Variants in MPPED1 observed in about 807,000 individuals in gnomAD.
MPPED1 encodes metallophosphoesterase domain-containing protein 1.
A neutral mutation model predicts 36.2 loss-of-function variants in MPPED1; 16 were observed. That is an observed-to-expected ratio of 0.44 (90% CI 0.30 to 0.67). MPPED1 has a LOEUF of 0.67. MPPED1 is among the 30% of genes least tolerant of loss of function. The probability of loss-of-function intolerance (pLI) is 0.10; values close to 1 mark genes in which losing one functional copy is unlikely to be tolerated. For synonymous variants in MPPED1, 199 were observed against 191.3 expected (o/e 1.04, Z -0.33); for missense variants, 307 against 453.4 (o/e 0.68, Z 2.93).
intron 3 of MPPED1, among the ~76,000 whole-genome samples, chr22:43,456,093 G>C (rs1569075843): frequency 6.6e-6 from 1 of 152,192 alleles, no homozygotes; most frequent in Non-Finnish European, 1.5e-5. Context: ...TGTGAATAGA[G>C]ACAGTTTTAT....
rs549750293 is a variant in MPPED1, at chr22:43,453,495, C to T, written c.406+18280C>T. The stretch of plus-strand genomic sequence containing the variant: ...CCTGGTGAGTTGGAACCAGGTATAG[C>T]CTTCCAGTCCTGCGGCTTCGTTGTG... On this transcript the variant is annotated intron_variant, in intron 3 of 6. Coordinates refer to ENST00000443721, the MANE Select transcript of MPPED1 (RefSeq NM_001044370.2). 1.1e-4 allele frequency among the ~76,000 whole-genome samples: 16 copies of T among 152,204 alleles called. 1 individual carries two copies. The highest frequency in any genetic ancestry group is 3.9e-4 in the African/African-American group (16 of 41,538).
chr22:43,469,115 G>A (rs1569079848), intron 3 of MPPED1, among the ~76,000 whole-genome samples: 1 of 152,090 alleles, frequency 6.6e-6, no homozygotes, highest in Non-Finnish European at 1.5e-5. Context: ...ACACCTGCTT[G>A]GAGAACAGCT....
chr22:43,455,882 T>C (rs79358807), intron 3 of MPPED1, among the ~76,000 whole-genome samples: 1 of 152,204 alleles, frequency 6.6e-6, no homozygotes, highest in African/African-American at 2.4e-5. Context: ...ACAAGCTTCT[T>C]GGTTTAAGAT....
At chr22:43,472,506 G>T (rs886532626) in intron 3 of MPPED1, among the ~76,000 whole-genome samples, 3 of 152,250 alleles carry the variant, frequency 2.0e-5, no homozygotes, top group African/African-American at 4.8e-5. Flanking sequence ...GATCCAGGCT[G>T]CTGGAGCTGA....
intron 3 of MPPED1, among the ~76,000 whole-genome samples, chr22:43,443,827 A>G (rs1930235629): frequency 6.6e-6 from 1 of 152,112 alleles, no homozygotes; most frequent in Non-Finnish European, 1.5e-5. Flanking sequence ...TGAATATTTT[A>G]AAAATAATTT....
intron 4 of MPPED1, among the ~76,000 whole-genome samples, chr22:43,486,751 C>G (rs1931923861): frequency 1.3e-5 from 2 of 151,442 alleles, no homozygotes; most frequent in African/African-American, 4.9e-5. Flanking sequence ...GGAGGGGCCC[C>G]CAGGGGAGGT....
chr22:43,456,058 T>G (rs1035674978), intron 3 of MPPED1, among the ~76,000 whole-genome samples: 1 of 152,246 alleles, frequency 6.6e-6, no homozygotes, highest in Non-Finnish European at 1.5e-5. Context: ...CTTCCTTGAT[T>G]TGTGGCCACA....
chr22:43,496,939 A>G (rs1285330045), intron 4 of MPPED1, among the ~76,000 whole-genome samples: 344 of 1,750 alleles, frequency 0.2, no homozygotes, highest in Admixed American at 0.23. Context: ...TGGTGGAGGT[A>G]GTGGTGGTGG....
At chr22:43,500,497 A>G (rs1316733348) in intron 5 of MPPED1, among the ~76,000 whole-genome samples, 1 of 150,934 alleles carries the variant, frequency 6.6e-6, no homozygotes, top group Non-Finnish European at 1.5e-5. Context: ...CTTCCAGTCC[A>G]CTCGCTTTAC....
chr22:43,477,153 A>T (rs1374214227), intron 4 of MPPED1, among the ~76,000 whole-genome samples: 1 of 152,204 alleles, frequency 6.6e-6, no homozygotes, highest in East Asian at 1.9e-4. Context: ...CCACAGGCAG[A>T]GGAGGCAGAG....
At chr22:43,444,691 A>G (rs1386824903) in intron 3 of MPPED1, among the ~76,000 whole-genome samples, 1 of 151,388 alleles carries the variant, frequency 6.6e-6, no homozygotes, top group Non-Finnish European at 1.5e-5. Flanking sequence ...TTTGAAGACC[A>G]TTATCCTAAG....
At chr22:43,487,078 A>G (rs182731726) in intron 4 of MPPED1, among the ~76,000 whole-genome samples, 1 of 152,062 alleles carries the variant, frequency 6.6e-6, no homozygotes, top group Non-Finnish European at 1.5e-5. Context: ...CTGCTTGTTC[A>G]TTTCATTCTT....
intron 3 of MPPED1, among the ~76,000 whole-genome samples, chr22:43,444,684 GA>G (rs773693064): frequency 2.0e-5 from 3 of 150,920 alleles, no homozygotes; most frequent in Non-Finnish European, 4.4e-5. Flanking sequence ...TATTTTTTTT[GA>G]AGACCATTAT....
intron 3 of MPPED1, among the ~76,000 whole-genome samples, chr22:43,455,414 T>G (rs1162296152): frequency 1.3e-5 from 2 of 152,150 alleles, no homozygotes; most frequent in African/African-American, 2.4e-5. Flanking sequence ...CAGGTCAATG[T>G]CATCTTGTTA....
chr22:43,500,327 GGT>G (rs1932674446), intron 5 of MPPED1, among the ~76,000 whole-genome samples: 1 of 141,994 alleles, frequency 7.0e-6, no homozygotes, highest in Non-Finnish European at 1.5e-5. Flanking sequence ...TGGTGATGGT[GGT>G]GGTGGAGGTG....
At chr22:43,446,570 C>T (rs1002300798) in intron 3 of MPPED1, among the ~76,000 whole-genome samples, 1 of 152,086 alleles carries the variant, frequency 6.6e-6, no homozygotes, top group Non-Finnish European at 1.5e-5. Flanking sequence ...TGGCTGGAAC[C>T]CCACGGAGAG....
At chr22:43,431,702 A>G (rs1709510577) in intron 2 of MPPED1, among the ~76,000 whole-genome samples, 1 of 152,242 alleles carries the variant, frequency 6.6e-6, no homozygotes, top group African/African-American at 2.4e-5. Context: ...GATGGTCATT[A>G]TGAGGGTGAA....
In MPPED1 at chr22:43,417,793, G is replaced by A. The variant is rs55819657; in HGVS notation, c.-79+5635G>A. The A allele has an allele frequency of 3.9e-3, 1,107 of 284,196 alleles. 4 individuals are homozygous for A. The highest frequency in any genetic ancestry group is 0.023 in the African/African-American group (1,040 of 45,172). The allele number at this position is 284,196 out of a possible 1,614,324, so 17.6% of individuals were successfully genotyped here. On this transcript the variant is annotated intron_variant, in intron 1 of 6. Coordinates refer to ENST00000443721, the MANE Select transcript of MPPED1 (RefSeq NM_001044370.2). The stretch of plus-strand genomic sequence containing the variant: ...GCCCTGAGCCACCGGCCTGAAGACA[G>A]GCAGCTGCACTTTTGGCTGTCCCAT...
At chr22:43,455,534 A>G (rs979805966) in intron 3 of MPPED1, among the ~76,000 whole-genome samples, 3 of 152,300 alleles carry the variant, frequency 2.0e-5, no homozygotes, top group Admixed American at 6.5e-5. Context: ...GGTACTAGGG[A>G]TTAAGACTTC....
Sources: allele counts gnomAD v4.1 joint callset (sites outside exome capture counted in the v4.1 genomes callset), GRCh38; gene constraint gnomAD v4.1.1; transcripts MANE v1.5; gene names NCBI Gene and HGNC (gene_info 2026-07-23, HGNC 2026-07-21).